TGFBI: variants seen among roughly 807,000 people sequenced by gnomAD.
The protein encoded by TGFBI is transforming growth factor beta induced.
TGFBI carries 50 observed loss-of-function variants against 73.7 expected under a neutral mutation model. That is an observed-to-expected ratio of 0.68 (90% CI 0.54 to 0.86). TGFBI has a LOEUF of 0.86. Ranked by LOEUF, TGFBI falls within the 40% of genes least tolerant of loss-of-function variation. The pLI is 0.00. For missense variants in TGFBI, 839 were observed against 877.0 expected (o/e 0.96, Z 0.55); for synonymous variants, 362 against 360.5 (o/e 1.00, Z -0.05).
chr5:136,043,553 A>G (rs1751375577), intron 2 of TGFBI, among the ~76,000 whole-genome samples: 1 of 152,222 alleles, frequency 6.6e-6, no homozygotes, highest in Non-Finnish European at 1.5e-5. Context: ...TGAGAGATTT[A>G]ATGACCACTG....
In TGFBI at chr5:136,033,808, G is replaced by A. The variant is rs1189429161; in HGVS notation, c.180G>A (p.Lys60=). 3.7e-6 allele frequency: 6 copies of A among 1,613,990 alleles called. No individual in the cohort carries two copies. The highest frequency in any genetic ancestry group is 5.1e-6 in the Non-Finnish European group (6 of 1,179,886). The change falls in exon 2 of 17, where the codon AAG becomes AAA. Residue 60 remains lysine, a synonymous_variant. Coordinates refer to ENST00000442011, the MANE Select transcript of TGFBI (RefSeq NM_000358.3). ...AVQKVIGTNR[K]YFTNCKQWYQ... The stretch of plus-strand genomic sequence containing the variant: ...AGAAGGTTATTGGCACTAATAGGAA[G>A]TACTTCACCAACTGCAAGCAGTGGT...
At chr5:136,050,465 G>A (rs867141926) in intron 7 of TGFBI, among the ~76,000 whole-genome samples, 5 of 152,158 alleles carry the variant, frequency 3.3e-5, no homozygotes, top group Non-Finnish European at 4.4e-5. Flanking sequence ...GAAGGAAGGA[G>A]CTAACGTGTT....
chr5:136,041,321 C>G lies in TGFBI; in HGVS notation c.234-2737C>G, dbSNP rs45558737. On this transcript the variant is annotated intron_variant, in intron 2 of 16. Coordinates refer to ENST00000442011, the MANE Select transcript of TGFBI (RefSeq NM_000358.3). ...GACTCAGTGGCCTGAGGGACTGAGC[C>G]TTGGTTGTTGGGCATGTGCTGCATA... Among the ~76,000 whole-genome samples the G allele has an allele frequency of 3.3e-4, 50 of 152,308 alleles. No homozygotes were observed. In the East Asian group the frequency reaches 9.3e-3, roughly 28 times the overall value.
chr5:136,054,397 TG>T (rs889316475), intron 9 of TGFBI, among the ~76,000 whole-genome samples: 2 of 152,198 alleles, frequency 1.3e-5, no homozygotes, highest in African/African-American at 4.8e-5. Context: ...CAGGGTCACT[TG>T]CCAATGTATA....
intron 2 of TGFBI, among the ~76,000 whole-genome samples, chr5:136,035,638 A>G (rs112596566): frequency 0.025 from 3,815 of 151,640 alleles, 171 homozygotes; most frequent in African/African-American, 0.087. Context: ...AAAAAAAAAA[A>G]AAAAAGAAAA....
intron 12 of TGFBI, among the ~76,000 whole-genome samples, chr5:136,057,304 G>C (rs1000979078): frequency 1.3e-5 from 2 of 152,184 alleles, no homozygotes; most frequent in African/African-American, 4.8e-5. Flanking sequence ...ACTGAGGCAC[G>C]TTTCCCACTG....
chr5:136,047,597 C>T (rs887510096), intron 6 of TGFBI, 177 bp downstream of exon 6: 11 of 751,072 alleles, frequency 1.5e-5, no homozygotes, highest in Non-Finnish European at 2.4e-5. Context: ...TCAGCTTGAC[C>T]TAACCTGTGA....
At chr5:136,044,422 C>T (rs1385794142) in intron 3 of TGFBI, among the ~76,000 whole-genome samples, 4 of 152,258 alleles carry the variant, frequency 2.6e-5, no homozygotes, top group Non-Finnish European at 5.9e-5. Flanking sequence ...GGCTCTTGGC[C>T]TCTGCCTCTG....
rs1325491136 is a variant in TGFBI at position 136,046,902 on chromosome 5, C to T, written c.511C>T (p.Leu171Phe). Residue 171 changes from leucine (L) to phenylalanine (F), a missense_variant, in exon 5 of 17, where the codon CTC becomes TTC. Coordinates refer to ENST00000442011, the MANE Select transcript of TGFBI (RefSeq NM_000358.3). ...TGTCAACATTGAGCTGCTCAATGCCCTCCGCTACCATATGGTGGGCAGGCG... is the reference window on the plus strand; with the variant it reads ...TGTCAACATTGAGCTGCTCAATGCCTTCCGCTACCATATGGTGGGCAGGCG... ...SNVNIELLNA[L>F]RYHMVGRRVL... 1.2e-6 allele frequency: 2 copies of T among 1,613,790 alleles called. No individual in the cohort carries two copies. The highest frequency in any genetic ancestry group is 1.7e-6 in the Non-Finnish European group (2 of 1,179,838).
Position 136,056,568 on chromosome 5 carries a change from A to G in TGFBI, c.1548-97A>G, listed in dbSNP as rs1561614244. 4 of 1,526,184 alleles carry G rather than the reference A, an allele frequency of 2.6e-6. No homozygotes were observed. In the East Asian group the frequency reaches 9.0e-5, roughly 34 times the overall value. The allele number at this position is 1,526,184 out of a possible 1,614,324, so 94.5% of individuals were successfully genotyped here. A position where few individuals can be genotyped will look rare whatever the true frequency, so the allele number is the denominator to read the frequency against. On this transcript the variant is annotated intron_variant, in intron 11 of 16. Transcript: ENST00000442011. ...CAGTGGCCTGGACTCTACTATCCTCAGTGGTGAGGTATTTAAGGAAAATAC... is the reference window on the plus strand; with the variant it reads ...CAGTGGCCTGGACTCTACTATCCTCGGTGGTGAGGTATTTAAGGAAAATAC...
In TGFBI at chr5:136,059,297, TAC is replaced by T. The variant is rs1751706377; in HGVS notation, c.1803+91_1803+92del. The T allele has an allele frequency of 4.5e-6, 7 of 1,543,630 alleles. No homozygotes were observed. In the Admixed American group the frequency reaches 7.7e-5, roughly 17 times the overall value. ...ATATCTCACCCCCAGGATGGAATTA[TAC>T]ACACACAACCTTCAAGTTGCAGCCC... On this transcript the variant is annotated intron_variant, in intron 13 of 16. Transcript: ENST00000442011.
rs753519514 is a variant in TGFBI at position 136,063,238 on chromosome 5, A to G, written c.*12A>G. On this transcript the variant is annotated 3_prime_UTR_variant, in exon 17 of 17. Transcript: ENST00000442011. ...GGATGAAGCATTAGCTTGAAGCACT[A>G]CAGGAGGAATGCACCACGGCAGCTC... is the stretch of plus-strand genomic sequence containing the variant. The G allele has an allele frequency of 1.1e-5, 18 of 1,612,472 alleles. No individual in the cohort carries two copies. Among genetic ancestry groups the G allele is most frequent in the South Asian group, 5.5e-5 (5 of 90,916 alleles).
chr5:136,054,136 C>T, intron 9 of TGFBI, 56 bp downstream of exon 9: 1 of 1,588,784 alleles, frequency 6.3e-7, no homozygotes. Flanking sequence ...TTCCCCACCC[C>T]TGTCACCTCC....
intron 13 of TGFBI, 106 bp from the exon 14 acceptor site, chr5:136,060,727 GA>G: frequency 3.4e-6 from 3 of 887,528 alleles, no homozygotes; most frequent in Non-Finnish European, 4.9e-6. Context: ...AAAGAACAAG[GA>G]AAAAAACGAA....
intron 7 of TGFBI, among the ~76,000 whole-genome samples, chr5:136,052,139 G>A (rs1299500398): frequency 6.6e-6 from 1 of 152,244 alleles, no homozygotes; most frequent in African/African-American, 2.4e-5. Context: ...GCTCTCCGAG[G>A]CAATGGAGAC....
At chr5:136,036,403 A>C (rs914104726) in intron 2 of TGFBI, among the ~76,000 whole-genome samples, 3 of 152,242 alleles carry the variant, frequency 2.0e-5, no homozygotes, top group African/African-American at 7.2e-5. Context: ...ATTTGATATA[A>C]AACTTCTAGG....
At chr5:136,044,920 C>T (rs778256621) in intron 3 of TGFBI, 1 of 152,176 alleles carries the variant, frequency 6.6e-6, no homozygotes, top group Non-Finnish European at 1.5e-5. Flanking sequence ...TACTTTAAAT[C>T]ATCTCAAGAT....
At chr5:136,062,718 A>C in intron 16 of TGFBI, 31 bp downstream of exon 16, 1 of 1,559,996 alleles carries the variant, frequency 6.4e-7, no homozygotes, top group Non-Finnish European at 8.7e-7. Context: ...AAGTCATTGC[A>C]GACCTGTTTA....
In TGFBI at chr5:136,063,235, A is replaced by G. The variant is rs766220255; in HGVS notation, c.*9A>G. On this transcript the variant is annotated 3_prime_UTR_variant, in exon 17 of 17. Transcript: ENST00000442011. ...AGAGGATGAAGCATTAGCTTGAAGC[A>G]CTACAGGAGGAATGCACCACGGCAG... 13 of 1,612,880 alleles carry G rather than the reference A, an allele frequency of 8.1e-6. No individual in the cohort carries two copies. In the African/African-American group the frequency reaches 1.7e-4, roughly 22 times the overall value.
Sources: allele counts gnomAD v4.1 joint callset (sites outside exome capture counted in the v4.1 genomes callset), GRCh38; gene constraint gnomAD v4.1.1; transcripts MANE v1.5; gene names NCBI Gene and HGNC (gene_info 2026-07-23, HGNC 2026-07-21).